MASP1: variants seen among roughly 807,000 people sequenced by gnomAD.
MASP1 encodes the protein mannan-binding lectin serine protease 1.
A neutral mutation model predicts 77.1 loss-of-function variants in MASP1; 59 were observed. The ratio of observed to expected loss-of-function variants is 0.77; its 90% CI spans 0.62 to 0.95. The LOEUF is 0.95. Ranked by LOEUF, MASP1 falls within the 40% of genes least tolerant of loss-of-function variation. MASP1 has a pLI of 0.00. For synonymous variants in MASP1, 362 were observed against 354.5 expected (o/e 1.02, Z -0.24); for missense variants, 885 against 912.9 (o/e 0.97, Z 0.39).
chr3:187,243,114 A>T, intron 9 of MASP1: 1 of 340,328 alleles, frequency 2.9e-6, no homozygotes, highest in African/African-American at 2.1e-5. Context: ...GCCTCAGACC[A>T]CATGAAGGAG....
In MASP1 at chr3:187,288,171, C is replaced by A. The variant is rs76816834; in HGVS notation, c.6-2115G>T. 2.3e-3 allele frequency among the ~76,000 whole-genome samples: 354 copies of A among 152,108 alleles called. 4 individuals are homozygous for A. Among genetic ancestry groups the A allele is most frequent in the East Asian group, 0.017 (90 of 5,188 alleles). ...AATATGTGAGATTCTATTAAGAAAACAAAATGTCTTAATCCCATAGCCAAT... is the reference window on the plus strand; with the variant it reads ...AATATGTGAGATTCTATTAAGAAAAAAAAATGTCTTAATCCCATAGCCAAT... On this transcript the variant is annotated intron_variant, in intron 1 of 10. Transcript: ENST00000296280.
At chr3:187,251,893 C>T in intron 6 of MASP1, 141 bp from the exon 7 acceptor site, 1 of 725,526 alleles carries the variant, frequency 1.4e-6, no homozygotes, top group Non-Finnish European at 2.5e-6. Context: ...CCAAGCCCTG[C>T]AAGAGACTAA....
intron 1 of MASP1, among the ~76,000 whole-genome samples, chr3:187,288,487 G>A (rs1718034034): frequency 6.6e-6 from 1 of 152,158 alleles, no homozygotes; most frequent in Non-Finnish European, 1.5e-5. Flanking sequence ...GTCATGGGAG[G>A]TCTTGTTTCC....
intron 2 of MASP1, among the ~76,000 whole-genome samples, chr3:187,274,708 G>A (rs1027617415): frequency 2.6e-5 from 4 of 152,236 alleles, no homozygotes; most frequent in Non-Finnish European, 4.4e-5. Flanking sequence ...AATGCTTGGC[G>A]CCATAAAGAA....
chr3:187,217,318 T>C (rs1300981176), exon 16 of MASP1: 1 of 152,230 alleles, frequency 6.6e-6, no homozygotes, highest in Non-Finnish European at 1.5e-5. Context: ...AACTAATGTT[T>C]GTTTTTTCAT....
intron 10 of MASP1, 24 bp downstream of exon 10, chr3:187,241,457 C>T: frequency 6.2e-7 from 1 of 1,606,806 alleles, no homozygotes; most frequent in Non-Finnish European, 8.5e-7. Flanking sequence ...AACTGTGAGG[C>T]AAAGGATTTG....
Position 187,223,266 on chromosome 3 carries a change from T to G in MASP1, c.1742-72A>C. ...TGTTTGGAGGGGTGCAGCTTGCAGC[T>G]CCATCATCCTCTTCTGTGGAGGAAA... On this transcript the variant is annotated intron_variant, in intron 13 of 15. Coordinates refer to the MASP1 transcript ENST00000337774. The G allele has an allele frequency of 2.6e-6, 3 of 1,154,904 alleles. No homozygotes were observed. The South Asian group carries it at 3.7e-5, about 14-fold the overall frequency. The allele number at this position is 1,154,904 out of a possible 1,614,324, so 71.5% of individuals were successfully genotyped here.
chr3:187,267,223 AC>A (rs554995248), intron 2 of MASP1, among the ~76,000 whole-genome samples: 217 of 152,324 alleles, frequency 1.4e-3, no homozygotes, highest in African/African-American at 5.0e-3. Flanking sequence ...GCTCCTCAAG[AC>A]ATTAGGCAAA....
chr3:187,277,007 C>T (rs1322514388), intron 2 of MASP1, among the ~76,000 whole-genome samples: 1 of 152,120 alleles, frequency 6.6e-6, no homozygotes, highest in Non-Finnish European at 1.5e-5. Flanking sequence ...CGACTTACCT[C>T]TCAATTACAC....
intron 11 of MASP1, among the ~76,000 whole-genome samples, chr3:187,227,528 G>A (rs1023642298): frequency 6.6e-6 from 1 of 152,174 alleles, no homozygotes; most frequent in East Asian, 1.9e-4. Context: ...TAGAACACAG[G>A]GGTGGGGGAG....
chr3:187,254,203 T>C (rs925300187), intron 5 of MASP1, among the ~76,000 whole-genome samples: 7 of 152,200 alleles, frequency 4.6e-5, no homozygotes, highest in African/African-American at 1.7e-4. Flanking sequence ...GATATGCATA[T>C]ACAAAAGAAA....
At chr3:187,217,982 T>A (rs1414082033) in exon 16 of MASP1, 2 of 152,242 alleles carry the variant, frequency 1.3e-5, no homozygotes, top group African/African-American at 4.8e-5. Flanking sequence ...CATGTGTTTT[T>A]GTGGGAGGAG....
At chr3:187,241,600 A>G (rs1175115139) in intron 9 of MASP1, 45 bp from the exon 10 acceptor site, 3 of 1,254,986 alleles carry the variant, frequency 2.4e-6, no homozygotes, top group Non-Finnish European at 3.5e-6. Flanking sequence ...AAAATGGTTG[A>G]TTTGTAACAC....
downstream of MASP1, chr3:187,229,933 C>T (rs1374769485): frequency 3.1e-6 from 5 of 1,612,918 alleles, no homozygotes; most frequent in Non-Finnish European, 4.2e-6. Context: ...ACAGATCAGA[C>T]TCTGGGCTCC....
intron 9 of MASP1, 72 bp downstream of exon 9, chr3:187,243,412 C>T (rs1579497466): frequency 2.2e-5 from 33 of 1,527,012 alleles, no homozygotes; most frequent in South Asian, 1.5e-4. Flanking sequence ...ACAGCTGTCT[C>T]GGCCCCCAGT....
At position 187,222,680 on chromosome 3, in the gene MASP1, G is replaced by GTTT. The variant is rs60117293; in HGVS notation, c.1809+444_1809+446dup. 1.1e-4 allele frequency among the ~76,000 whole-genome samples: 16 copies of GTTT among 140,012 alleles called. No homozygotes were observed. The East Asian group carries it at 1.5e-3, about 13-fold the overall frequency. 91.9% of individuals were successfully genotyped at this position (140,012 alleles called of 152,430 possible). A position where few individuals can be genotyped will look rare whatever the true frequency, so the allele number is the denominator to read the frequency against. On this transcript the variant is annotated intron_variant, in intron 14 of 15. Coordinates refer to the MASP1 transcript ENST00000337774. ...TATGGCTCCTTACTTTTAGTTAAGT[G>GTTT]TTTTTTTTTTTTTTCCTTGAACTGA...
chr3:187,243,880 G>A (rs1713862218), intron 8 of MASP1: 2 of 520,336 alleles, frequency 3.8e-6, no homozygotes, highest in Non-Finnish European at 7.0e-6. Flanking sequence ...TCAATTTTGG[G>A]TAGGGGAAGG....
At chr3:187,272,697 G>C (rs1022128162) in intron 2 of MASP1, among the ~76,000 whole-genome samples, 1 of 152,152 alleles carries the variant, frequency 6.6e-6, no homozygotes, top group Non-Finnish European at 1.5e-5. Flanking sequence ...GCCTATTCTA[G>C]AAAGCTAGAA....
chr3:187,246,544 C>T, intron 8 of MASP1: 1 of 985,552 alleles, frequency 1.0e-6, no homozygotes, highest in Non-Finnish European at 1.2e-6. Context: ...GATTCTCTGA[C>T]ATGTGTGTCC....
Sources: allele counts gnomAD v4.1 joint callset (sites outside exome capture counted in the v4.1 genomes callset), GRCh38; gene constraint gnomAD v4.1.1; transcripts MANE v1.5; gene names NCBI Gene and HGNC (gene_info 2026-07-23, HGNC 2026-07-21).